TENM2: variants seen among roughly 807,000 people sequenced by gnomAD.
TENM2 encodes the protein teneurin transmembrane protein 2.
In TENM2, 52 loss-of-function variants were observed where a neutral mutation model predicts 245.2. The observed-to-expected ratio is 0.21, with a 90% CI of 0.17 to 0.27. TENM2 has a LOEUF of 0.27. TENM2 is among the 10% of genes least tolerant of loss of function. The probability of loss-of-function intolerance (pLI) is 1.00; values close to 1 mark genes in which losing one functional copy is unlikely to be tolerated. For missense variants in TENM2, 3,046 were observed against 3,666.8 expected (o/e 0.83, Z 4.37); for synonymous variants, 1,363 against 1,438.9 (o/e 0.95, Z 1.19).
intron 12 of TENM2, among the ~76,000 whole-genome samples, chr5:168,149,174 T>A (rs944135684): frequency 2.0e-5 from 3 of 152,132 alleles, no homozygotes; most frequent in African/African-American, 7.2e-5. Context: ...TCATATGAGG[T>A]TGTCTGCCCT....
At chr5:167,197,586 C>T in the TENM2 span, among the ~76,000 whole-genome samples, 10 of 152,080 alleles carry the variant, frequency 6.6e-5, no homozygotes, top group South Asian at 1.0e-3. Flanking sequence ...GCTACCCAGC[C>T]GGTACAGAAC....
intron 2 of TENM2, among the ~76,000 whole-genome samples, chr5:167,732,458 A>T (rs1760503559): frequency 6.6e-6 from 1 of 152,260 alleles, no homozygotes; most frequent in East Asian, 1.9e-4. Context: ...GGGGAAGAAA[A>T]GAACTGGATA....
At chr5:168,029,509 A>G (rs1272792189) in intron 5 of TENM2, among the ~76,000 whole-genome samples, 1 of 152,194 alleles carries the variant, frequency 6.6e-6, no homozygotes, top group Non-Finnish European at 1.5e-5. Context: ...GTTTACAATC[A>G]GATGCTCCAG....
chr5:167,669,350 T>A (rs1755778976), intron 2 of TENM2, among the ~76,000 whole-genome samples: 1 of 137,022 alleles, frequency 7.3e-6, no homozygotes, highest in African/African-American at 2.9e-5. Flanking sequence ...ATTTAATTGA[T>A]TTGGTGTATA....
intron 2 of TENM2, among the ~76,000 whole-genome samples, chr5:167,646,177 CATATATATATATATGTTGTTTTCAT>C (rs1414503210): frequency 1.1e-4 from 9 of 84,152 alleles, no homozygotes; most frequent in Admixed American, 2.7e-4. Context: ...ATGTTGTTTT[CATATATATATATATGTTGTTTTCAT>C]ATATATATAT....
intron 3 of TENM2, among the ~76,000 whole-genome samples, chr5:167,905,754 T>C (rs182885583): frequency 2.0e-5 from 3 of 152,382 alleles, no homozygotes; most frequent in Admixed American, 2.0e-4. Context: ...GCCATATTTC[T>C]ACAGTTCTGA....
chr5:168,089,192 C>G (rs1455166119), intron 7 of TENM2, among the ~76,000 whole-genome samples: 5 of 152,210 alleles, frequency 3.3e-5, no homozygotes, highest in African/African-American at 1.2e-4. Flanking sequence ...TGGTCAAGCC[C>G]TGTCACCTCT....
chr5:166,982,916 T>C, the TENM2 span, among the ~76,000 whole-genome samples: 1 of 152,152 alleles, frequency 6.6e-6, no homozygotes, highest in Non-Finnish European at 1.5e-5. Context: ...AAAGCAACAG[T>C]AATTTTATGA....
rs865847873 is a variant in TENM2, at chr5:167,637,619, A to G, written c.503-238367A>G. On this transcript the variant is annotated intron_variant, in intron 2 of 28. Transcript: ENST00000518659. ...CATAAAGAAAATGTGGCACATATAC[A>G]CCATGGAATACTATGCAGCCATAAA... Among the ~76,000 whole-genome samples the G allele has an allele frequency of 9.8e-5, 15 of 152,294 alleles. No homozygotes were observed. The South Asian group carries it at 1.2e-3, about 13-fold the overall frequency.
At chr5:167,253,584 T>C in the TENM2 span, among the ~76,000 whole-genome samples, 6 of 152,178 alleles carry the variant, frequency 3.9e-5, no homozygotes, top group African/African-American at 1.4e-4. Flanking sequence ...TTTCTATTTC[T>C]TAAGTGATTT....
At chr5:168,154,185 T>G (rs1368397046) in intron 12 of TENM2, among the ~76,000 whole-genome samples, 1 of 122,762 alleles carries the variant, frequency 8.1e-6, no homozygotes, top group South Asian at 2.7e-4. Context: ...GCTTGAAACA[T>G]CAAAACACCA....
intron 4 of TENM2, among the ~76,000 whole-genome samples, chr5:167,970,484 CTCTT>C (rs1216754760): frequency 3.3e-5 from 5 of 152,272 alleles, no homozygotes; most frequent in African/African-American, 9.6e-5. Context: ...CATTTCCTCT[CTCTT>C]GGAAATGGCT....
intron 5 of TENM2, among the ~76,000 whole-genome samples, chr5:168,042,819 A>G (rs952245266): frequency 6.6e-6 from 1 of 152,184 alleles, no homozygotes; most frequent in South Asian, 2.1e-4. Context: ...AGTTTTCTCC[A>G]ATTAGCCGGA....
At chr5:167,454,137 G>A (rs1331342319) in intron 2 of TENM2, among the ~76,000 whole-genome samples, 2 of 152,064 alleles carry the variant, frequency 1.3e-5, no homozygotes, top group African/African-American at 4.8e-5. Flanking sequence ...TATATTAAAG[G>A]CATGACAGAG....
intron 2 of TENM2, among the ~76,000 whole-genome samples, chr5:167,609,488 CAAAAAA>C (rs5873049): frequency 4.9e-4 from 18 of 36,680 alleles, no homozygotes; most frequent in Non-Finnish European, 7.2e-4. Context: ...CCTGATGATG[CAAAAAA>C]AAAAAAAAAA....
the TENM2 span, among the ~76,000 whole-genome samples, chr5:167,111,540 G>C: frequency 6.6e-6 from 1 of 152,156 alleles, no homozygotes; most frequent in Admixed American, 6.6e-5. Flanking sequence ...CTGTAAATAA[G>C]GGATTCTCCA....
intron 4 of TENM2, among the ~76,000 whole-genome samples, chr5:167,974,600 A>G (rs1782293169): frequency 6.6e-6 from 1 of 152,238 alleles, no homozygotes. Context: ...CACTCATTTA[A>G]TAGACACAAT....
chr5:168,043,780 A>G (rs1312802729), intron 5 of TENM2, among the ~76,000 whole-genome samples: 1 of 152,202 alleles, frequency 6.6e-6, no homozygotes, highest in Non-Finnish European at 1.5e-5. Context: ...CAGAATGGCT[A>G]TGTGATAAAG....
intron 1 of TENM2, among the ~76,000 whole-genome samples, chr5:167,367,083 A>ACGT (rs1435824545): frequency 2.0e-5 from 3 of 152,122 alleles, no homozygotes; most frequent in Non-Finnish European, 4.4e-5. Flanking sequence ...AAATGCCACC[A>ACGT]CATCAGAGGA....
Sources: allele counts gnomAD v4.1 joint callset (sites outside exome capture counted in the v4.1 genomes callset), GRCh38; gene constraint gnomAD v4.1.1; transcripts MANE v1.5; gene names NCBI Gene and HGNC (gene_info 2026-07-23, HGNC 2026-07-21).